The following ZDHHC15 variants were observed in gnomAD, a reference collection of about 807,000 sequenced individuals.
ZDHHC15 encodes zDHHC palmitoyltransferase 15, also known as palmitoyltransferase ZDHHC15.
Under a neutral mutation model 31.7 loss-of-function variants are expected in ZDHHC15, and 19 were observed. The ratio of observed to expected loss-of-function variants is 0.60; its 90% confidence interval spans 0.42 to 0.88. The LOEUF (loss-of-function observed/expected upper bound fraction) is 0.88, where lower values mean the gene tolerates loss of function less well. Among genes scored for constraint, ZDHHC15 ranks in the 40% least tolerant of loss-of-function variants. The probability of loss-of-function intolerance (pLI) is 0.00; values close to 1 mark genes in which losing one functional copy is unlikely to be tolerated. For synonymous variants in ZDHHC15, 103 were observed against 90.0 expected, an observed-to-expected ratio of 1.14 and a Z score of -0.82; for missense variants, 209 against 251.2, an observed-to-expected ratio of 0.83 and a Z score of 1.14.
At chrX:75,490,434 T>G (rs2084864049) in intron 2 of ZDHHC15, among the ~76,000 whole-genome samples, 1 of 111,728 alleles carries the variant, frequency 9.0e-6, no homozygotes, top group Non-Finnish European at 1.9e-5. Flanking sequence ...AAGGCCAATA[T>G]TCAACATTCT....
At chrX:75,406,272 C>A (rs1403135224) in intron 10 of ZDHHC15, among the ~76,000 whole-genome samples, 1 of 111,106 alleles carries the variant, frequency 9.0e-6, no homozygotes, top group Non-Finnish European at 1.9e-5. Context: ...AAGAACGTAA[C>A]CATGCACCTT....
chrX:75,497,329 A>G (rs1391565650), intron 2 of ZDHHC15, among the ~76,000 whole-genome samples: 1 of 111,763 alleles, frequency 8.9e-6, no homozygotes, highest in Non-Finnish European at 1.9e-5. Flanking sequence ...GTAGCAAGAT[A>G]GAAAGAGTAA....
chrX:75,379,132 T>C lies in ZDHHC15; in HGVS notation c.*20A>G, dbSNP rs770786869. ...TCAGAATACTGACCTGTCTGAGAGA[T>C]GCAGGAAATGTGAAAACTGCTATGT... On this transcript the variant is annotated 3_prime_UTR_variant, in exon 11 of 12. Transcript: ENST00000373367. 7 of 1,208,224 alleles carry C rather than the reference T, an allele frequency of 5.8e-6. No homozygotes were observed. The African/African-American group carries it at 1.2e-4, about 21-fold the overall frequency.
chrX:75,480,015 G>A (rs1243276588), intron 2 of ZDHHC15, among the ~76,000 whole-genome samples: 1 of 111,295 alleles, frequency 9.0e-6, no homozygotes, highest in Non-Finnish European at 1.9e-5. Flanking sequence ...CACAGAGGTG[G>A]TTATAAGACT....
At chrX:75,427,604 T>C (rs1263723847) in intron 7 of ZDHHC15, among the ~76,000 whole-genome samples, 2 of 111,408 alleles carry the variant, frequency 1.8e-5, no homozygotes, top group Non-Finnish European at 3.8e-5. Context: ...TCCCTGCTGA[T>C]TGGACATAGT....
At chrX:75,438,604 T>A in intron 4 of ZDHHC15, among the ~76,000 whole-genome samples, 1 of 111,951 alleles carries the variant, frequency 8.9e-6, no homozygotes, top group Non-Finnish European at 1.9e-5. Context: ...TAAACTTTTA[T>A]TCATTCTGCC....
chrX:75,398,916 C>T (rs937663245), intron 10 of ZDHHC15, among the ~76,000 whole-genome samples: 1 of 112,068 alleles, frequency 8.9e-6, no homozygotes, highest in African/African-American at 3.2e-5. Context: ...CTTCACTGGC[C>T]GGGACCTCCC....
chrX:75,522,765 C>T, intron 1 of ZDHHC15, 124 bp downstream of exon 1: 1 of 969,186 alleles, frequency 1.0e-6, no homozygotes, highest in South Asian at 2.4e-5. Flanking sequence ...AAGGAACTCT[C>T]CAGGGAGAGA....
intron 2 of ZDHHC15, among the ~76,000 whole-genome samples, chrX:75,485,529 A>G (rs1406915197): frequency 9.0e-6 from 1 of 110,569 alleles, no homozygotes; most frequent in Non-Finnish European, 1.9e-5. Context: ...GGCTCAATAT[A>G]CGCCCCACCA....
intron 10 of ZDHHC15, among the ~76,000 whole-genome samples, chrX:75,401,804 C>T (rs150402642): frequency 0.016 from 1,843 of 112,033 alleles, 32 homozygotes; most frequent in African/African-American, 0.056. Flanking sequence ...GACTTCCACA[C>T]ACCACTGACA....
intron 2 of ZDHHC15, among the ~76,000 whole-genome samples, chrX:75,495,608 A>C (rs906930718): frequency 2.7e-4 from 30 of 111,012 alleles, no homozygotes; most frequent in Non-Finnish European, 5.1e-4. Flanking sequence ...GCCATAAAAA[A>C]TGATGAGTTC....
At chrX:75,412,261 C>T (rs778227040) in intron 10 of ZDHHC15, among the ~76,000 whole-genome samples, 12 of 111,303 alleles carry the variant, frequency 1.1e-4, no homozygotes, top group African/African-American at 3.6e-4. Flanking sequence ...ATCTGGCAAT[C>T]CCCCTTCTGT....
chrX:75,491,427 G>T (rs1315130934), intron 2 of ZDHHC15, among the ~76,000 whole-genome samples: 1 of 96,564 alleles, frequency 1.0e-5, no homozygotes, highest in Non-Finnish European at 2.0e-5. Context: ...ATTGAACAAT[G>T]AGAACACATG....
At chrX:75,408,901 A>G (rs996980006) in intron 10 of ZDHHC15, among the ~76,000 whole-genome samples, 5 of 112,203 alleles carry the variant, frequency 4.5e-5, no homozygotes, top group African/African-American at 1.3e-4. Context: ...TGAAAGATCT[A>G]TAGAAGGATA....
intron 3 of ZDHHC15, among the ~76,000 whole-genome samples, chrX:75,471,119 C>T (rs1182434973): frequency 1.8e-5 from 2 of 112,444 alleles, no homozygotes; most frequent in African/African-American, 6.5e-5. Flanking sequence ...CAAATTAACA[C>T]ATCTCCTGGT....
chrX:75,449,529 A>G (rs930683744), intron 4 of ZDHHC15, among the ~76,000 whole-genome samples: 3 of 111,623 alleles, frequency 2.7e-5, no homozygotes, highest in Non-Finnish European at 5.6e-5. Flanking sequence ...AACAAATCCC[A>G]AACACTGTGT....
intron 1 of ZDHHC15, among the ~76,000 whole-genome samples, chrX:75,508,469 A>G (rs1040162640): frequency 9.2e-6 from 1 of 108,456 alleles, no homozygotes; most frequent in African/African-American, 3.4e-5. Context: ...CCTACAAAGG[A>G]CATGAACTCA....
chrX:75,410,625 C>T (rs1226516080), intron 10 of ZDHHC15, among the ~76,000 whole-genome samples: 1 of 111,832 alleles, frequency 8.9e-6, no homozygotes, highest in Non-Finnish European at 1.9e-5. Context: ...AATGCTTGCA[C>T]ACTGTTGGTG....
chrX:75,471,974 T>C (rs1206373622), intron 3 of ZDHHC15, among the ~76,000 whole-genome samples: 1 of 111,829 alleles, frequency 8.9e-6, no homozygotes, highest in African/African-American at 3.3e-5. Context: ...CTATGGGTCA[T>C]AAAGTCACCA....
Sources: allele counts gnomAD v4.1 joint callset (sites outside exome capture counted in the v4.1 genomes callset), GRCh38; gene constraint gnomAD v4.1.1; transcripts MANE v1.5; gene names NCBI Gene and HGNC (gene_info 2026-07-23, HGNC 2026-07-21).